The following SHTN1 variants were observed in gnomAD, a reference collection of about 807,000 sequenced individuals.
The protein encoded by SHTN1 is shootin-1.
SHTN1 carries 42 observed loss-of-function variants against 83.1 expected under a neutral mutation model. The ratio of observed to expected loss-of-function variants is 0.51; its 90% CI spans 0.39 to 0.65. SHTN1 has a LOEUF of 0.65. SHTN1 is among the 30% of genes least tolerant of loss of function. The pLI is 0.00. For synonymous variants in SHTN1, 224 were observed against 247.7 expected, an observed-to-expected ratio of 0.90 and a Z score of 0.90; for missense variants, 622 against 737.8, an observed-to-expected ratio of 0.84 and a Z score of 1.82.
At chr10:117,001,036 G>C (rs1458858671) in intron 1 of SHTN1, among the ~76,000 whole-genome samples, 2 of 151,932 alleles carry the variant, frequency 1.3e-5, no homozygotes, top group African/African-American at 2.4e-5. Context: ...AATTCCGGAG[G>C]GGGAGCAAAT....
At chr10:116,923,429 G>T (rs1180930305) in intron 11 of SHTN1, among the ~76,000 whole-genome samples, 3 of 152,152 alleles carry the variant, frequency 2.0e-5, no homozygotes, top group Non-Finnish European at 4.4e-5. Flanking sequence ...CAGTCCTGAG[G>T]AAGCCAGCAA....
intron 1 of SHTN1, among the ~76,000 whole-genome samples, chr10:116,996,561 T>C (rs1399395513): frequency 2.6e-5 from 4 of 152,226 alleles, no homozygotes; most frequent in Admixed American, 1.3e-4. Context: ...CTAAGATTTA[T>C]AAATCCTCTC....
intron 1 of SHTN1, among the ~76,000 whole-genome samples, chr10:117,102,373 TG>T (rs1261141655): frequency 6.6e-6 from 1 of 152,190 alleles, no homozygotes. Context: ...ACTGAGGCGT[TG>T]CTACTGAAAC....
At chr10:117,051,703 C>A (rs1852743199) in intron 1 of SHTN1, among the ~76,000 whole-genome samples, 1 of 151,194 alleles carries the variant, frequency 6.6e-6, no homozygotes. Context: ...TTGACAAAAC[C>A]CAACACCCTT....
intron 7 of SHTN1, among the ~76,000 whole-genome samples, chr10:116,948,308 A>G (rs1200294758): frequency 6.6e-6 from 1 of 152,182 alleles, no homozygotes; most frequent in Non-Finnish European, 1.5e-5. Flanking sequence ...TCACCAGGAG[A>G]GCAGGTCTGC....
At chr10:116,897,127 A>C (rs1363367286) in intron 16 of SHTN1, among the ~76,000 whole-genome samples, 1 of 152,082 alleles carries the variant, frequency 6.6e-6, no homozygotes, top group Non-Finnish European at 1.5e-5. Flanking sequence ...GTGATCAGGT[A>C]CTTCTAATGT....
intron 1 of SHTN1, among the ~76,000 whole-genome samples, chr10:117,063,534 T>C (rs1852931353): frequency 1.3e-5 from 2 of 152,206 alleles, no homozygotes; most frequent in Non-Finnish European, 2.9e-5. Context: ...ATTCCCTGTA[T>C]TAAATTCATT....
At chr10:116,943,827 C>T (rs17095442) in intron 8 of SHTN1, among the ~76,000 whole-genome samples, 1,958 of 152,286 alleles carry the variant, frequency 0.013, 34 homozygotes, top group African/African-American at 0.038. Context: ...CTTCAACCTA[C>T]AGTATGCACA....
chr10:117,010,153 A>G (rs1425903746), upstream of SHTN1, among the ~76,000 whole-genome samples: 1 of 149,478 alleles, frequency 6.7e-6, no homozygotes, highest in African/African-American at 2.4e-5. Context: ...TTTCTTTGAA[A>G]GTATCAAAAT....
At chr10:116,974,593 G>A (rs1850725813) in intron 2 of SHTN1, among the ~76,000 whole-genome samples, 1 of 152,132 alleles carries the variant, frequency 6.6e-6, no homozygotes. Flanking sequence ...AGAACCGCCT[G>A]ATGCACTGTT....
chr10:116,921,491 G>A lies in SHTN1; in HGVS notation c.1138C>T (p.Arg380Ter). Residue 380 changes from arginine (R) to a stop codon, truncating the protein, a stop_gained, in exon 12 of 17, where the codon CGA (arginine) becomes TGA (stop). Transcript: ENST00000355371. LOFTEE classifies it high-confidence loss of function. ...IRSLMSMIRKRSHPSGSGAKK... is the reference protein window; with the variant it reads ...IRSLMSMIRK ...GCACCACTGCCACTGGGGTGGGATC[G>A]TTTCCGGATCATGGACATGAGGGAT... 6.2e-7 allele frequency: 1 copy of A among 1,613,566 alleles called. No homozygotes were observed. Among genetic ancestry groups the A allele is most frequent in the Non-Finnish European group, 8.5e-7 (1 of 1,179,716 alleles).
intron 1 of SHTN1, among the ~76,000 whole-genome samples, chr10:116,988,457 T>G: frequency 6.7e-6 from 1 of 149,874 alleles, no homozygotes; most frequent in East Asian, 1.9e-4. Context: ...TTATTTTACT[T>G]ATTTTATATT....
At position 116,968,722 on chromosome 10, in the gene SHTN1, G is replaced by C. The variant is rs1564905011; in HGVS notation, c.112-10C>G. The C allele has an allele frequency of 1.2e-6, 2 of 1,605,514 alleles. No homozygotes were observed. The highest frequency in any genetic ancestry group is 1.7e-6 in the Non-Finnish European group (2 of 1,173,626). Reference sequence around the variant, plus strand: ...GCCTAATTTTGTCACACTGAAATGAGAGAAGTAAACAAATGTTAAACTTCA... The same window carrying C: ...GCCTAATTTTGTCACACTGAAATGACAGAAGTAAACAAATGTTAAACTTCA... On this transcript the variant is annotated splice_polypyrimidine_tract_variant and intron_variant, in intron 2 of 16. Coordinates refer to ENST00000355371, the MANE Select transcript of SHTN1 (RefSeq NM_001127211.3).
chr10:117,104,723 G>A (rs191650089), intron 1 of SHTN1, among the ~76,000 whole-genome samples: 2,323 of 152,278 alleles, frequency 0.015, 68 homozygotes, highest in African/African-American at 0.053. Flanking sequence ...GCAGTGAGCC[G>A]AGATCGCGCC....
intron 8 of SHTN1, among the ~76,000 whole-genome samples, chr10:116,944,313 T>C (rs559686288): frequency 6.6e-6 from 1 of 152,242 alleles, no homozygotes; most frequent in African/African-American, 2.4e-5. Flanking sequence ...ACACTTTTTT[T>C]AAATTTTGCC....
chr10:116,994,526 A>AGGGAAG (rs2133522089), intron 1 of SHTN1, among the ~76,000 whole-genome samples: 1 of 152,102 alleles, frequency 6.6e-6, no homozygotes, highest in East Asian at 1.9e-4. Flanking sequence ...AAGGGGAAAG[A>AGGGAAG]GGGAAGGGGA....
At chr10:117,033,973 A>G (rs1852457875) in intron 2 of SHTN1, among the ~76,000 whole-genome samples, 1 of 152,244 alleles carries the variant, frequency 6.6e-6, no homozygotes, top group South Asian at 2.1e-4. Context: ...ATGAAATTCA[A>G]CATCCCTTCA....
chr10:117,122,320 C>T (rs1185009588), intron 1 of SHTN1, among the ~76,000 whole-genome samples: 1 of 152,078 alleles, frequency 6.6e-6, no homozygotes. Context: ...GCTGGAACCA[C>T]GGGCACATGC....
At chr10:116,921,691 T>G (rs1848573610) in intron 11 of SHTN1, among the ~76,000 whole-genome samples, 175 bp from the exon 12 acceptor site, 1 of 152,172 alleles carries the variant, frequency 6.6e-6, no homozygotes, top group African/African-American at 2.4e-5. Context: ...GAAACACGTC[T>G]CATCCTCTTC....
Sources: allele counts gnomAD v4.1 joint callset (sites outside exome capture counted in the v4.1 genomes callset), GRCh38; gene constraint gnomAD v4.1.1; transcripts MANE v1.5; gene names NCBI Gene and HGNC (gene_info 2026-07-23, HGNC 2026-07-21).